DIP2C: variants seen among roughly 807,000 people sequenced by gnomAD.
DIP2C encodes disco-interacting protein 2 homolog C.
Under a neutral mutation model 192.4 loss-of-function variants are expected in DIP2C, and 33 were observed. That is an observed-to-expected ratio of 0.17 (90% CI 0.13 to 0.23). DIP2C has a LOEUF of 0.23. DIP2C is among the 10% of genes least tolerant of loss of function. The probability of loss-of-function intolerance (pLI) is 1.00; values close to 1 mark genes in which losing one functional copy is unlikely to be tolerated. For synonymous variants in DIP2C, 979 were observed against 864.1 expected (o/e 1.13, Z -2.33); for missense variants, 1,537 against 2,110.1 (o/e 0.73, Z 5.32).
intron 1 of DIP2C, among the ~76,000 whole-genome samples, chr10:552,085 T>C (rs538039560): frequency 6.6e-6 from 1 of 152,350 alleles, no homozygotes; most frequent in Non-Finnish European, 1.5e-5. Flanking sequence ...AGACTCAGTC[T>C]GCAATCTAAG....
intron 1 of DIP2C, among the ~76,000 whole-genome samples, chr10:572,682 C>A (rs1849898827): frequency 6.6e-6 from 1 of 152,152 alleles, no homozygotes; most frequent in South Asian, 2.1e-4. Flanking sequence ...AAAACTTCTC[C>A]ATAATAGACA....
chr10:419,233 G>A (rs1369017708), intron 5 of DIP2C, 34 bp from the exon 6 acceptor site: 2 of 1,613,466 alleles, frequency 1.2e-6, no homozygotes, highest in Non-Finnish European at 1.7e-6. Flanking sequence ...TTTTCTGGTG[G>A]TTGTGATGTT....
chr10:671,444 C>T (rs1382987473), intron 1 of DIP2C, among the ~76,000 whole-genome samples: 1 of 123,990 alleles, frequency 8.1e-6, no homozygotes, highest in Non-Finnish European at 1.6e-5. Flanking sequence ...GACGCACGGA[C>T]GGAGGAAACA....
In DIP2C at chr10:435,689, T is replaced by C. The variant is rs566234227; in HGVS notation, c.394+5182A>G. 3.3e-4 allele frequency among the ~76,000 whole-genome samples: 50 copies of C among 152,326 alleles called. No individual in the cohort carries two copies. The South Asian group carries it at 9.3e-3, about 28-fold the overall frequency. The stretch of plus-strand genomic sequence containing the variant: ...TTTTCAGTTTGCTCAGCTTTTCACC[T>C]GTGAGGAGGCAGTGACAATTCTCAA... On this transcript the variant is annotated intron_variant, in intron 4 of 36. Transcript: ENST00000280886.
At chr10:338,072 GT>G (rs1181984491) in intron 29 of DIP2C, among the ~76,000 whole-genome samples, 1 of 152,158 alleles carries the variant, frequency 6.6e-6, no homozygotes, top group African/African-American at 2.4e-5. Flanking sequence ...AGCTTCAAAT[GT>G]TTTTTAAAAT....
chr10:541,851 T>C (rs146898321), intron 1 of DIP2C, among the ~76,000 whole-genome samples: 15 of 152,256 alleles, frequency 9.9e-5, no homozygotes, highest in Non-Finnish European at 1.8e-4. Context: ...CCCTGTCTAG[T>C]GCATCCCTGC....
intron 7 of DIP2C, among the ~76,000 whole-genome samples, chr10:414,906 A>ATAT (rs1965524975): frequency 1.2e-5 from 1 of 83,170 alleles, no homozygotes; most frequent in African/African-American, 4.4e-5. Flanking sequence ...ATATATATAT[A>ATAT]TTTTTTTTTT....
chr10:495,989 GA>G (rs552231862), intron 1 of DIP2C, among the ~76,000 whole-genome samples: 24 of 141,972 alleles, frequency 1.7e-4, no homozygotes, highest in Non-Finnish European at 3.2e-4. Context: ...AATACCTGAA[GA>G]AATGTTGAGT....
rs553219046 is a variant in DIP2C, at chr10:577,769, C to T, written c.86-91239G>A. On this transcript the variant is annotated intron_variant, in intron 1 of 36. Transcript: ENST00000280886. ...ATGTAAGGCAACCTAGTAAGAGGAA[C>T]TTGGCTGAGACTAAACCCAGAGATG... is the stretch of plus-strand genomic sequence containing the variant. Among the ~76,000 whole-genome samples the T allele has an allele frequency of 1.1e-4, 17 of 151,884 alleles. No individual in the cohort carries two copies. The South Asian group carries it at 1.7e-3, about 15-fold the overall frequency.
intron 17 of DIP2C, chr10:369,969 T>C: frequency 2.0e-6 from 2 of 985,350 alleles, no homozygotes; most frequent in African/African-American, 1.7e-5. Flanking sequence ...ACCAGCTCTC[T>C]CTTTCCTCCC....
Position 277,237 on chromosome 10 carries a change from G to T in DIP2C, c.*88C>A. On this transcript the variant is annotated 3_prime_UTR_variant, in exon 37 of 37. Coordinates refer to ENST00000280886, the MANE Select transcript of DIP2C (RefSeq NM_014974.3). ...TCACCACAAATGGCTGTATTCTGGT[G>T]AGTGTTGCCCTGTGTCTGCACGCTT... The T allele has an allele frequency of 1.9e-5, 29 of 1,544,194 alleles. No individual in the cohort carries two copies. Among genetic ancestry groups the T allele is most frequent in the Non-Finnish European group, 2.2e-5 (25 of 1,145,404 alleles).
chr10:527,558 G>T (rs1564820453), intron 1 of DIP2C, among the ~76,000 whole-genome samples: 2 of 152,170 alleles, frequency 1.3e-5, no homozygotes, highest in African/African-American at 4.8e-5. Context: ...CCACCAAATG[G>T]AACCGATTAC....
At chr10:487,099 T>C (rs773321888) in intron 1 of DIP2C, among the ~76,000 whole-genome samples, 2 of 152,144 alleles carry the variant, frequency 1.3e-5, no homozygotes, top group African/African-American at 2.4e-5. Context: ...GAGGCAAGAA[T>C]CCACATGTTA....
intron 29 of DIP2C, among the ~76,000 whole-genome samples, chr10:331,077 A>AT (rs1957485864): frequency 6.6e-6 from 1 of 151,350 alleles, no homozygotes; most frequent in Non-Finnish European, 1.5e-5. Flanking sequence ...TAGCCTCCCA[A>AT]AGTGCTAGGA....
At chr10:318,986 C>T (rs1356630803) in intron 31 of DIP2C, among the ~76,000 whole-genome samples, 1 of 151,562 alleles carries the variant, frequency 6.6e-6, no homozygotes, top group Non-Finnish European at 1.5e-5. Context: ...GATCTCGGCT[C>T]ACTGCAACCT....
intron 1 of DIP2C, among the ~76,000 whole-genome samples, chr10:647,581 G>A (rs1444056696): frequency 6.7e-5 from 10 of 148,306 alleles, no homozygotes; most frequent in Admixed American, 3.3e-4. Context: ...CACATTTGAC[G>A]GTGGGAGAGA....
At chr10:548,698 A>C (rs1023979476) in intron 1 of DIP2C, among the ~76,000 whole-genome samples, 1 of 151,772 alleles carries the variant, frequency 6.6e-6, no homozygotes, top group Non-Finnish European at 1.5e-5. Context: ...AAGCGACAAG[A>C]GGGGTCTCCA....
intron 9 of DIP2C, among the ~76,000 whole-genome samples, chr10:404,481 T>C (rs112553228): frequency 3.3e-5 from 5 of 152,222 alleles, no homozygotes; most frequent in African/African-American, 1.2e-4. Flanking sequence ...AGTGCTGGGA[T>C]TCCAGGCATG....
chr10:498,601 T>A (rs1357149639), intron 1 of DIP2C, among the ~76,000 whole-genome samples: 1 of 152,204 alleles, frequency 6.6e-6, no homozygotes, highest in African/African-American at 2.4e-5. Flanking sequence ...GATGACTGAC[T>A]TCCATTTCAT....
Sources: allele counts gnomAD v4.1 joint callset (sites outside exome capture counted in the v4.1 genomes callset), GRCh38; gene constraint gnomAD v4.1.1; transcripts MANE v1.5; gene names NCBI Gene and HGNC (gene_info 2026-07-23, HGNC 2026-07-21).